HIVEP2: variants seen among roughly 807,000 people sequenced by gnomAD.
HIVEP2 encodes the protein transcription factor HIVEP2.
HIVEP2 carries 14 observed loss-of-function variants against 180.7 expected under a neutral mutation model. The observed-to-expected ratio is 0.08, with a 90% confidence interval of 0.05 to 0.12. The LOEUF (loss-of-function observed/expected upper bound fraction) is 0.12, where lower values mean the gene tolerates loss of function less well. Ranked by LOEUF, HIVEP2 falls within the 10% of genes least tolerant of loss-of-function variation. The pLI is 1.00. For synonymous variants in HIVEP2, 1,184 were observed against 1,136.4 expected (o/e 1.04, Z -0.84); for missense variants, 2,579 against 3,008.5 (o/e 0.86, Z 3.34).
intron 2 of HIVEP2, among the ~76,000 whole-genome samples, chr6:142,823,360 G>A (rs1270964800): frequency 6.6e-6 from 1 of 152,200 alleles, no homozygotes; most frequent in African/African-American, 2.4e-5. Context: ...AACGGTTTAA[G>A]CCCCGAGGGA....
rs181557180 is a variant in HIVEP2 at position 142,784,169 on chromosome 6, T to C, written c.-527-554A>G. ...GGAATTAATATTTATTCAAGTATGA[T>C]CCAAAGAAATGCATGGAAGATCAAA... On this transcript the variant is annotated intron_variant, in intron 2 of 9. Transcript: ENST00000367603. Among the ~76,000 whole-genome samples, 173 of 152,304 alleles carry C rather than the reference T, an allele frequency of 1.1e-3. 1 individual carries two copies. Among genetic ancestry groups the C allele is most frequent in the Non-Finnish European group, 2.1e-3 (140 of 68,034 alleles).
chr6:142,818,600 T>C (rs1582886518), intron 2 of HIVEP2, among the ~76,000 whole-genome samples: 1 of 146,852 alleles, frequency 6.8e-6, no homozygotes, highest in Admixed American at 6.8e-5. Context: ...ACCCAGGAGG[T>C]GGAGGATGCA....
At chr6:142,832,517 C>T (rs565076687) in intron 2 of HIVEP2, among the ~76,000 whole-genome samples, 8 of 152,108 alleles carry the variant, frequency 5.3e-5, no homozygotes, top group African/African-American at 1.4e-4. Flanking sequence ...AACCAGACTC[C>T]GACGTCAGTA....
At chr6:142,917,162 T>C (rs964248634) in intron 1 of HIVEP2, among the ~76,000 whole-genome samples, 4 of 152,226 alleles carry the variant, frequency 2.6e-5, no homozygotes, top group Admixed American at 1.3e-4. Context: ...CTTATTCCAA[T>C]AGTCCAAAAA....
At chr6:142,903,763 T>A (rs1294699778) in intron 1 of HIVEP2, among the ~76,000 whole-genome samples, 1 of 152,136 alleles carries the variant, frequency 6.6e-6, no homozygotes, top group East Asian at 1.9e-4. Context: ...TAAAGAGTGT[T>A]ATCAACAAGG....
In HIVEP2 at chr6:142,772,863, T is replaced by G. The variant is rs771147068; in HGVS notation, c.1876A>C (p.Lys626Gln). 1.9e-6 allele frequency: 3 copies of G among 1,614,162 alleles called. No individual in the cohort carries two copies. The highest frequency in any genetic ancestry group is 2.5e-6 in the Non-Finnish European group (3 of 1,180,026). ...ACCCTGTCCCCAGGAGACAATTTCT[T>G]TTCCTTCAGGGATGAACTGCTGATA... ...KGISSSSLKEKKLSPGDRVGY... is the reference protein window; with the variant it reads ...KGISSSSLKEQKLSPGDRVGY... The change falls in exon 5 of 10, where the codon AAG (lysine) becomes CAG (glutamine). Residue 626 changes from lysine to glutamine, a missense_variant. Lys to Gln is a moderately conservative substitution (Grantham distance 53, BLOSUM62 1). This residue lies in a region of HIVEP2 where 524 missense variants were observed against 563.6 expected (regional missense o/e 0.93). Transcript: ENST00000367603. The surrounding 1 kb of genome is among the most constrained non-coding windows in gnomAD (Gnocchi z 4.9).
intron 1 of HIVEP2, among the ~76,000 whole-genome samples, chr6:142,847,228 A>T (rs1392077272): frequency 1.3e-5 from 2 of 152,246 alleles, no homozygotes; most frequent in Non-Finnish European, 1.5e-5. Flanking sequence ...GCCAAGGTAC[A>T]GAGTTTTACT....
At position 142,753,821 on chromosome 6, in the gene HIVEP2, A is replaced by G; in HGVS notation, c.6627T>C (p.Tyr2209=). ...SSLFPEGPND[Y]VFSHLPLHSQ... ...AGTGGAGTGGAAGATGACTGAAGAC[A>G]TAGTCATTAGGACCCTCAGGGAAAA... is the stretch of plus-strand genomic sequence containing the variant. Residue 2209 remains tyrosine (Y), a synonymous_variant, in exon 10 of 10, where the codon TAT becomes TAC. Transcript: ENST00000367603. 3 of 1,613,474 alleles carry G rather than the reference A, an allele frequency of 1.9e-6. No homozygotes were observed. Among genetic ancestry groups the G allele is most frequent in the Non-Finnish European group, 2.5e-6 (3 of 1,179,364 alleles).
chr6:142,768,770 TA>T (rs67122992), intron 5 of HIVEP2, among the ~76,000 whole-genome samples: 8,362 of 151,478 alleles, frequency 0.055, 765 homozygotes, highest in African/African-American at 0.19. Context: ...ATATTATATA[TA>T]AAAATATATA....
rs1438227166 is a variant in HIVEP2, at chr6:142,764,740, T to A, written c.5518+59A>T. ...ATGAAGGTTAGTTATAAAATAGCAC[T>A]CAGAAATCTAAGTAGCCATAGAGAA... On this transcript the variant is annotated intron_variant, in intron 7 of 9. Transcript: ENST00000367603. 11 of 1,259,608 alleles carry A rather than the reference T, an allele frequency of 8.7e-6. 1 individual carries two copies. The African/African-American group carries it at 1.1e-4, about 12-fold the overall frequency. 78.0% of individuals were successfully genotyped at this position (1,259,608 alleles called of 1,614,324 possible). A position where few individuals can be genotyped will look rare whatever the true frequency, so the allele number is the denominator to read the frequency against.
chr6:142,912,996 T>C (rs1042468640), intron 1 of HIVEP2, among the ~76,000 whole-genome samples: 1 of 152,162 alleles, frequency 6.6e-6, no homozygotes, highest in African/African-American at 2.4e-5. Context: ...CAGACATAAA[T>C]CAGAAAAGCA....
intron 7 of HIVEP2, among the ~76,000 whole-genome samples, chr6:142,762,872 C>T (rs1775284785): frequency 6.6e-6 from 1 of 152,108 alleles, no homozygotes; most frequent in South Asian, 2.1e-4. Flanking sequence ...TTCCAGGCCC[C>T]CACTCCTCCT....
intron 9 of HIVEP2, among the ~76,000 whole-genome samples, chr6:142,756,027 T>C (rs1775057581): frequency 6.6e-6 from 1 of 152,208 alleles, no homozygotes; most frequent in South Asian, 2.1e-4. Context: ...TACTTAAATC[T>C]CAGTAAGAAA....
chr6:142,799,342 A>T (rs1041368907), intron 2 of HIVEP2, among the ~76,000 whole-genome samples: 2 of 152,238 alleles, frequency 1.3e-5, no homozygotes, highest in Admixed American at 1.3e-4. Flanking sequence ...TCTCGTCCTA[A>T]GTGCAGCCCG....
chr6:142,793,678 TCTCTCTCTCTCTC>T (rs1776211398), intron 2 of HIVEP2, among the ~76,000 whole-genome samples: 5 of 142,600 alleles, frequency 3.5e-5, no homozygotes, highest in Non-Finnish European at 6.1e-5. Context: ...TTTCTTTCTC[TCTCTCTCTCTCTC>T]TCTCTCTGTC....
At chr6:142,790,485 T>G (rs1206011042) in intron 2 of HIVEP2, among the ~76,000 whole-genome samples, 14 of 152,168 alleles carry the variant, frequency 9.2e-5, no homozygotes, top group Admixed American at 9.2e-4. Flanking sequence ...GCAAAAAAGG[T>G]GTATTTGACT....
intron 8 of HIVEP2, 147 bp from the exon 9 acceptor site, chr6:142,760,814 CTTA>C (rs1225573389): frequency 3.6e-5 from 22 of 615,930 alleles, no homozygotes; most frequent in Non-Finnish European, 6.2e-5. Flanking sequence ...AAATGAGGCA[CTTA>C]CCTGTGTGAC....
At chr6:142,912,251 CAG>C in intron 1 of HIVEP2, among the ~76,000 whole-genome samples, 2 of 152,332 alleles carry the variant, frequency 1.3e-5, no homozygotes. Context: ...AGCACTGCTC[CAG>C]AGTGTCAGTC....
At chr6:142,883,500 T>C (rs1345970190) in intron 1 of HIVEP2, among the ~76,000 whole-genome samples, 1 of 152,136 alleles carries the variant, frequency 6.6e-6, no homozygotes, top group South Asian at 2.1e-4. Flanking sequence ...GAAGAATACA[T>C]AACCCTCCTA....
Sources: allele counts gnomAD v4.1 joint callset (sites outside exome capture counted in the v4.1 genomes callset), GRCh38; gene constraint gnomAD v4.1.1; regional missense constraint gnomAD v4.1.1; non-coding constraint Gnocchi (gnomAD v3.1); transcripts MANE v1.5; gene names NCBI Gene and HGNC (gene_info 2026-07-23, HGNC 2026-07-21).